The following NRXN3 variants were observed in gnomAD, a reference collection of about 807,000 sequenced individuals.
The protein encoded by NRXN3 is neurexin III.
In NRXN3, 32 loss-of-function variants were observed where a neutral mutation model predicts 137.6. That is an observed-to-expected ratio of 0.23 (90% confidence interval 0.18 to 0.31). The LOEUF is 0.31. NRXN3 is among the 10% of genes least tolerant of loss of function. NRXN3 has a pLI of 1.00. For missense variants in NRXN3, 1,574 were observed against 2,062.5 expected (o/e 0.76, Z 4.59); for synonymous variants, 798 against 784.5 (o/e 1.02, Z -0.29).
At chr14:78,377,507 A>G (rs759920942) in intron 4 of NRXN3, among the ~76,000 whole-genome samples, 8 of 152,254 alleles carry the variant, frequency 5.3e-5, no homozygotes, top group Non-Finnish European at 1.0e-4. Flanking sequence ...ATAAATTGAT[A>G]TAGGAAATCA....
chr14:79,697,483 C>T (rs996851532), intron 18 of NRXN3, 147 bp from the exon 19 acceptor site: 57 of 686,312 alleles, frequency 8.3e-5, no homozygotes, highest in Middle Eastern at 4.1e-4. Context: ...TACTTGCTAA[C>T]GTCAGTACTG....
At chr14:79,605,627 A>T (rs1368788660) in intron 16 of NRXN3, among the ~76,000 whole-genome samples, 1 of 152,102 alleles carries the variant, frequency 6.6e-6, no homozygotes, top group Non-Finnish European at 1.5e-5. Flanking sequence ...AGCTGGGACT[A>T]CAGGTGTGCG....
chr14:78,256,724 G>A (rs370696693), intron 2 of NRXN3, among the ~76,000 whole-genome samples: 27 of 152,306 alleles, frequency 1.8e-4, no homozygotes, highest in South Asian at 2.1e-4. Context: ...TGCAACACAC[G>A]TAAGTTAACA....
chr14:79,001,193 A>G (rs998642239), intron 15 of NRXN3, among the ~76,000 whole-genome samples: 2 of 152,176 alleles, frequency 1.3e-5, no homozygotes, highest in Admixed American at 1.3e-4. Flanking sequence ...TGAAGCCATG[A>G]TAGTGAAGAA....
At chr14:79,793,318 G>A (rs780528574) in intron 19 of NRXN3, among the ~76,000 whole-genome samples, 24 of 152,152 alleles carry the variant, frequency 1.6e-4, no homozygotes, top group African/African-American at 5.1e-4. Flanking sequence ...GGGAGCCTGA[G>A]GCAGGAGAAT....
At chr14:79,776,702 G>C (rs2099098238) in intron 19 of NRXN3, among the ~76,000 whole-genome samples, 1 of 152,180 alleles carries the variant, frequency 6.6e-6, no homozygotes, top group South Asian at 2.1e-4. Context: ...TAACTGAGAA[G>C]ACAAAGAATG....
intron 20 of NRXN3, among the ~76,000 whole-genome samples, chr14:79,807,307 G>A (rs2099211793): frequency 6.6e-6 from 1 of 151,878 alleles, no homozygotes; most frequent in South Asian, 2.1e-4. Context: ...TAGATTTTAA[G>A]GCTTATCAAA....
chr14:79,158,266 A>G (rs1473507062), intron 15 of NRXN3, among the ~76,000 whole-genome samples: 1 of 151,798 alleles, frequency 6.6e-6, no homozygotes, highest in African/African-American at 2.4e-5. Flanking sequence ...AAGGCACCTC[A>G]CACCTTTCTA....
intron 8 of NRXN3, among the ~76,000 whole-genome samples, chr14:78,789,783 T>A (rs2098799887): frequency 1.3e-5 from 2 of 152,172 alleles, no homozygotes; most frequent in Non-Finnish European, 2.9e-5. Flanking sequence ...CCCACTCTTC[T>A]CTTTGCTCTT....
chr14:79,384,674 C>A (rs1340213752), intron 15 of NRXN3, among the ~76,000 whole-genome samples: 1 of 152,046 alleles, frequency 6.6e-6, no homozygotes, highest in Non-Finnish European at 1.5e-5. Flanking sequence ...GTGTTTAGGA[C>A]CTGAGAGATT....
At chr14:78,735,514 A>G (rs1337312350) in intron 8 of NRXN3, among the ~76,000 whole-genome samples, 1 of 152,116 alleles carries the variant, frequency 6.6e-6, no homozygotes. Flanking sequence ...AGACTTTGGG[A>G]CAAGCAGTGT....
chr14:78,716,882 G>A (rs948409506), intron 8 of NRXN3, among the ~76,000 whole-genome samples: 2 of 152,206 alleles, frequency 1.3e-5, no homozygotes, highest in African/African-American at 4.8e-5. Context: ...GCAACCACCA[G>A]AACAGGAGCT....
chr14:79,385,886 C>T (rs142466141), intron 15 of NRXN3, among the ~76,000 whole-genome samples: 53 of 152,184 alleles, frequency 3.5e-4, no homozygotes, highest in African/African-American at 1.2e-3. Context: ...GCAGAAAAGG[C>T]GTTTGACAAA....
chr14:78,610,061 GAGAA>G (rs2097287647), intron 4 of NRXN3, among the ~76,000 whole-genome samples: 1 of 151,864 alleles, frequency 6.6e-6, no homozygotes, highest in Non-Finnish European at 1.5e-5. Flanking sequence ...AGAGGAGAGA[GAGAA>G]AGAAAGTGAC....
intron 4 of NRXN3, among the ~76,000 whole-genome samples, chr14:78,604,506 A>C (rs962901787): frequency 6.6e-5 from 10 of 152,222 alleles, no homozygotes; most frequent in African/African-American, 2.4e-4. Flanking sequence ...TAGGAAATTT[A>C]GTATTAAGTT....
chr14:79,812,840 A>G (rs138479437), intron 20 of NRXN3, among the ~76,000 whole-genome samples: 2,654 of 152,292 alleles, frequency 0.017, 30 homozygotes, highest in Middle Eastern at 0.031. Context: ...ATGCCAATGC[A>G]AGTGGTACAT....
At chr14:79,056,050 T>C (rs12147740) in intron 15 of NRXN3, among the ~76,000 whole-genome samples, 73,790 of 152,070 alleles carry the variant, frequency 0.49, 21,709 homozygotes, top group East Asian at 0.76. Context: ...CATGTCGATA[T>C]TGGGGGAGAA....
At chr14:78,215,744 GGGGGTTTCGTTTGTGCTGCA>G (rs1458577469) in intron 1 of NRXN3, among the ~76,000 whole-genome samples, 5 of 123,544 alleles carry the variant, frequency 4.0e-5, no homozygotes, top group Non-Finnish European at 1.7e-5. Context: ...TTTGTGCTGG[GGGGGTTTCGTTTGTGCTGCA>G]GGGGGGTGGG....
chr14:79,302,499 G>T (rs1271417055), intron 15 of NRXN3, among the ~76,000 whole-genome samples: 1 of 151,902 alleles, frequency 6.6e-6, no homozygotes, highest in African/African-American at 2.4e-5. Flanking sequence ...TTAACAATCA[G>T]ATCTCATGGT....
Sources: allele counts gnomAD v4.1 joint callset (sites outside exome capture counted in the v4.1 genomes callset), GRCh38; gene constraint gnomAD v4.1.1; transcripts MANE v1.5; gene names NCBI Gene and HGNC (gene_info 2026-07-23, HGNC 2026-07-21).